LARGE1: variants seen among roughly 807,000 people sequenced by gnomAD.
LARGE1 encodes the protein xylosyl- and glucuronyltransferase LARGE1.
In LARGE1, 43 loss-of-function variants were observed where a neutral mutation model predicts 87.6. The observed-to-expected ratio is 0.49, with a 90% confidence interval of 0.38 to 0.63. The LOEUF is 0.63. Ranked by LOEUF, LARGE1 falls within the 30% of genes least tolerant of loss-of-function variation. The probability of loss-of-function intolerance (pLI) is 0.00; values close to 1 mark genes in which losing one functional copy is unlikely to be tolerated. For synonymous variants in LARGE1, 434 were observed against 394.6 expected (o/e 1.10, Z -1.18); for missense variants, 802 against 1,000.2 (o/e 0.80, Z 2.67).
chr22:33,751,417 A>G (rs893121089), intron 2 of LARGE1, among the ~76,000 whole-genome samples: 1 of 151,286 alleles, frequency 6.6e-6, no homozygotes, highest in African/African-American at 2.4e-5. Flanking sequence ...GGGATGGAGC[A>G]GAGGTTTCAG....
intron 11 of LARGE1, among the ~76,000 whole-genome samples, chr22:33,314,364 C>A (rs1468114962): frequency 6.6e-6 from 1 of 152,154 alleles, no homozygotes; most frequent in Non-Finnish European, 1.5e-5. Context: ...GCGGGACTCA[C>A]AGAGCAAGGA....
intron 6 of LARGE1, among the ~76,000 whole-genome samples, chr22:33,554,893 T>A (rs73168535): frequency 0.017 from 2,516 of 152,322 alleles, 34 homozygotes; most frequent in Non-Finnish European, 0.024. Flanking sequence ...GCACCTTCTA[T>A]GTGTCAGGCA....
At chr22:33,471,670 T>C (rs2148114348) in intron 6 of LARGE1, among the ~76,000 whole-genome samples, 1 of 152,232 alleles carries the variant, frequency 6.6e-6, no homozygotes, top group Non-Finnish European at 1.5e-5. Flanking sequence ...GTGTAGGCCT[T>C]AGCTCCTCCC....
chr22:33,753,589 G>A (rs545518685), intron 2 of LARGE1, among the ~76,000 whole-genome samples: 2 of 152,244 alleles, frequency 1.3e-5, no homozygotes, highest in South Asian at 4.2e-4. Context: ...AGCAGCCACA[G>A]GAAACTCATA....
chr22:33,553,642 C>T (rs61085088), intron 6 of LARGE1, among the ~76,000 whole-genome samples: 3,859 of 152,264 alleles, frequency 0.025, 83 homozygotes, highest in African/African-American at 0.066. Flanking sequence ...GTTACCCTCA[C>T]GCCAATACCC....
At chr22:33,658,077 A>G (rs1555986868) in intron 2 of LARGE1, among the ~76,000 whole-genome samples, 1 of 152,140 alleles carries the variant, frequency 6.6e-6, no homozygotes, top group Admixed American at 6.5e-5. Flanking sequence ...AATGTCTCCT[A>G]TTCAACACCC....
intron 1 of LARGE1, among the ~76,000 whole-genome samples, chr22:33,913,042 G>A (rs1569030599): frequency 1.3e-5 from 2 of 151,718 alleles, no homozygotes; most frequent in Admixed American, 6.6e-5. Flanking sequence ...ATGTTGGCCA[G>A]GCTGGTCTCG....
intron 11 of LARGE1, among the ~76,000 whole-genome samples, chr22:33,188,984 G>C (rs546441316): frequency 2.3e-4 from 35 of 152,208 alleles, no homozygotes; most frequent in African/African-American, 7.9e-4. Context: ...AGTGATCGTG[G>C]ACACAAGGTG....
chr22:33,325,540 A>C (rs1343557501), intron 10 of LARGE1, among the ~76,000 whole-genome samples: 1 of 152,248 alleles, frequency 6.6e-6, no homozygotes, highest in African/African-American at 2.4e-5. Context: ...CCTGCCAATC[A>C]TGAACACCCA....
At chr22:33,276,880 G>C (rs1929408950) in intron 14 of LARGE1, among the ~76,000 whole-genome samples, 180 bp downstream of exon 14, 1 of 152,298 alleles carries the variant, frequency 6.6e-6, no homozygotes, top group African/African-American at 2.4e-5. Flanking sequence ...CTCACCCAAG[G>C]GTTGAGGAAG....
chr22:33,622,066 TG>T (rs1030829266), intron 4 of LARGE1, among the ~76,000 whole-genome samples: 12 of 152,150 alleles, frequency 7.9e-5, no homozygotes, highest in Admixed American at 3.9e-4. Context: ...TGGTGCTACT[TG>T]GCAACCTCCT....
intron 6 of LARGE1, among the ~76,000 whole-genome samples, chr22:33,493,430 G>A (rs796135591): frequency 2.1e-4 from 32 of 152,096 alleles, no homozygotes; most frequent in African/African-American, 7.0e-4. Flanking sequence ...CAAAGTGCTG[G>A]GATTACAGGT....
rs66531142 is a variant in LARGE1, at chr22:33,394,081, C to CA, written c.893-9778dup. 2.3e-3 allele frequency among the ~76,000 whole-genome samples: 257 copies of CA among 109,678 alleles called. 2 individuals carry two copies. The highest frequency in any genetic ancestry group is 9.3e-3 in the East Asian group (28 of 3,016). 72.0% of individuals were successfully genotyped at this position (109,678 alleles called of 152,430 possible). ...CATTATTTTTTGCCAGTGCAACTGC[C>CA]AAAAAAAAAAAAAAAAAGAGAAGCT... On this transcript the variant is annotated intron_variant, in intron 7 of 14. Coordinates refer to ENST00000397394, the MANE Select transcript of LARGE1 (RefSeq NM_133642.5).
At chr22:33,713,966 A>AATAATGTAAC (rs2082824327) in intron 2 of LARGE1, among the ~76,000 whole-genome samples, 1 of 132,452 alleles carries the variant, frequency 7.5e-6, no homozygotes, top group Admixed American at 7.6e-5. Flanking sequence ...AGAAAAAGTA[A>AATAATGTAAC]ATAACGTAAC....
At chr22:33,319,067 A>C (rs1936460575) in intron 10 of LARGE1, among the ~76,000 whole-genome samples, 1 of 152,114 alleles carries the variant, frequency 6.6e-6, no homozygotes. Context: ...GATGGCATTA[A>C]TTGCTCCAAT....
downstream of LARGE1, among the ~76,000 whole-genome samples, chr22:33,269,821 C>T (rs1014957454): frequency 1.8e-4 from 28 of 151,946 alleles, no homozygotes; most frequent in Non-Finnish European, 7.4e-5. Context: ...CTGGCTAAAA[C>T]GGTGAAACCC....
At position 33,627,786 on chromosome 22, in the gene LARGE1, C is replaced by T. The variant is rs115564582; in HGVS notation, c.409-1460G>A. Among the ~76,000 whole-genome samples the T allele has an allele frequency of 8.4e-3, 1,279 of 152,288 alleles. 16 individuals are homozygous for T. Among genetic ancestry groups the T allele is most frequent in the African/African-American group, 0.029 (1,216 of 41,552 alleles). On this transcript the variant is annotated intron_variant, in intron 3 of 14. Coordinates refer to ENST00000397394, the MANE Select transcript of LARGE1 (RefSeq NM_133642.5). ...CCAATGACCTTCACCCCAACTTGGA[C>T]ACCTATTCCCAGTACGAGAAACTTG...
chr22:33,555,838 G>A (rs539558404), intron 6 of LARGE1, among the ~76,000 whole-genome samples: 1 of 151,024 alleles, frequency 6.6e-6, no homozygotes, highest in Non-Finnish European at 1.5e-5. Flanking sequence ...GCTGAGACAG[G>A]AGAACTGCCT....
At chr22:33,909,043 G>A (rs541844068) in intron 1 of LARGE1, among the ~76,000 whole-genome samples, 2 of 152,244 alleles carry the variant, frequency 1.3e-5, no homozygotes, top group African/African-American at 4.8e-5. Flanking sequence ...CTATAACCCT[G>A]AGCCCATTTG....
Sources: gnomAD v4.1 joint callset for allele counts (sites outside exome capture counted in the v4.1 genomes callset) on GRCh38, gnomAD v4.1.1 for gene constraint, MANE v1.5 for transcripts, NCBI Gene and HGNC (gene_info 2026-07-23, HGNC 2026-07-21) for gene names.